Variants in PDE1C observed in about 807,000 individuals in gnomAD.
PDE1C encodes phosphodiesterase 1C.
In PDE1C, 62 loss-of-function variants were observed where a neutral mutation model predicts 93.1. The ratio of observed to expected loss-of-function variants is 0.67; its 90% CI spans 0.54 to 0.82. The LOEUF is 0.82. Ranked by LOEUF, PDE1C falls within the 40% of genes least tolerant of loss-of-function variation. The pLI is 0.00. For synonymous variants in PDE1C, 325 were observed against 310.1 expected (o/e 1.05, Z -0.50); for missense variants, 742 against 884.6 (o/e 0.84, Z 2.04).
the PDE1C span, among the ~76,000 whole-genome samples, chr7:31,663,278 C>T: frequency 1.2e-4 from 18 of 152,206 alleles, no homozygotes; most frequent in Non-Finnish European, 2.2e-4. Context: ...GCCTCTACTG[C>T]TGTAGCTGCT....
chr7:31,963,290 C>T (rs112990915), intron 2 of PDE1C, among the ~76,000 whole-genome samples: 1,872 of 152,172 alleles, frequency 0.012, 15 homozygotes, highest in Non-Finnish European at 0.021. Flanking sequence ...TAACACCAAA[C>T]GTTATGCTGA....
At chr7:32,080,898 T>C (rs1796629879) in intron 3 of PDE1C, among the ~76,000 whole-genome samples, 2 of 152,236 alleles carry the variant, frequency 1.3e-5, no homozygotes, top group Non-Finnish European at 2.9e-5. Context: ...TCCTTCACTC[T>C]TAGACTGACA....
At chr7:31,962,750 C>A (rs540982751) in intron 2 of PDE1C, among the ~76,000 whole-genome samples, 4 of 152,264 alleles carry the variant, frequency 2.6e-5, no homozygotes, top group South Asian at 2.1e-4. Flanking sequence ...TAGGTCTTAG[C>A]CAAATAATTC....
At chr7:32,220,601 G>T (rs1806778051) in intron 1 of PDE1C, among the ~76,000 whole-genome samples, 1 of 151,948 alleles carries the variant, frequency 6.6e-6, no homozygotes, top group African/African-American at 2.4e-5. Context: ...GGATCACGAG[G>T]TCAGGAGATC....
intron 2 of PDE1C, among the ~76,000 whole-genome samples, chr7:32,194,969 CATAA>C (rs1303084583): frequency 6.6e-6 from 1 of 152,084 alleles, no homozygotes; most frequent in African/African-American, 2.4e-5. Context: ...ACTATATATA[CATAA>C]ATAACTTACC....
At chr7:31,762,081 G>A (rs1489563985) in intron 17 of PDE1C, among the ~76,000 whole-genome samples, 1 of 152,162 alleles carries the variant, frequency 6.6e-6, no homozygotes. Context: ...AGATTTGCAA[G>A]TGCCGGGAAA....
intron 2 of PDE1C, among the ~76,000 whole-genome samples, chr7:31,944,938 TAC>T (rs1320287506): frequency 1.3e-5 from 2 of 152,162 alleles, no homozygotes; most frequent in African/African-American, 2.4e-5. Flanking sequence ...GCAAAGAAAA[TAC>T]AGAGTTCTTT....
chr7:31,870,740 T>A (rs1013318606), intron 6 of PDE1C, among the ~76,000 whole-genome samples: 2 of 151,932 alleles, frequency 1.3e-5, no homozygotes, highest in Admixed American at 6.6e-5. Context: ...TTTCTCCTTC[T>A]CCCTAACTAA....
chr7:31,875,130 C>T (rs77933707), intron 5 of PDE1C, among the ~76,000 whole-genome samples: 2,247 of 152,276 alleles, frequency 0.015, 51 homozygotes, highest in African/African-American at 0.051. Flanking sequence ...TTGGCACTGC[C>T]ATGAGTCACA....
At chr7:31,639,359 C>T in the PDE1C span, among the ~76,000 whole-genome samples, 1 of 152,038 alleles carries the variant, frequency 6.6e-6, no homozygotes, top group African/African-American at 2.4e-5. Flanking sequence ...TTTTCTTCTG[C>T]AGTCTCTAAT....
intron 2 of PDE1C, among the ~76,000 whole-genome samples, chr7:31,944,573 A>C (rs58938192): frequency 0.031 from 4,762 of 152,272 alleles, 236 homozygotes; most frequent in African/African-American, 0.11. Flanking sequence ...TTCTGTTCCC[A>C]CATGGGTTAA....
At chr7:32,331,485 G>C (rs1190344979) in intron 1 of PDE1C, among the ~76,000 whole-genome samples, 1 of 152,168 alleles carries the variant, frequency 6.6e-6, no homozygotes, top group African/African-American at 2.4e-5. Flanking sequence ...TAATAACAGG[G>C]AGAATCAAGA....
At chr7:31,926,555 G>A (rs1485294988) in intron 2 of PDE1C, among the ~76,000 whole-genome samples, 1 of 152,216 alleles carries the variant, frequency 6.6e-6, no homozygotes, top group African/African-American at 2.4e-5. Context: ...CAAGGCAGAA[G>A]GTGGGTGATT....
chr7:31,772,089 C>CCT (rs1795528439), intron 17 of PDE1C, among the ~76,000 whole-genome samples: 2 of 151,164 alleles, frequency 1.3e-5, no homozygotes, highest in Non-Finnish European at 2.9e-5. Flanking sequence ...TGGGTTCTTT[C>CCT]TCTCTCTCGC....
intron 1 of PDE1C, among the ~76,000 whole-genome samples, chr7:32,227,086 T>C (rs917373649): frequency 6.6e-5 from 10 of 152,216 alleles, no homozygotes; most frequent in African/African-American, 2.4e-4. Flanking sequence ...AACCTTGCAG[T>C]CGCACTGCTC....
intron 1 of PDE1C, among the ~76,000 whole-genome samples, chr7:32,370,625 C>T (rs191700632): frequency 1.5e-3 from 215 of 140,464 alleles, no homozygotes; most frequent in African/African-American, 5.4e-3. Context: ...CATCACACAC[C>T]GGGGCCTGTC....
chr7:32,060,663 A>C (rs1794698456), intron 1 of PDE1C, among the ~76,000 whole-genome samples: 1 of 152,136 alleles, frequency 6.6e-6, no homozygotes, highest in Non-Finnish European at 1.5e-5. Flanking sequence ...AGTTACCTTC[A>C]CTGAAACTAT....
intron 1 of PDE1C, among the ~76,000 whole-genome samples, chr7:32,057,646 A>G (rs1448461067): frequency 6.6e-6 from 1 of 152,216 alleles, no homozygotes; most frequent in Non-Finnish European, 1.5e-5. Flanking sequence ...TCAGGGAGAT[A>G]AAGAATGAAA....
At chr7:32,006,920 G>A (rs975468275) in intron 2 of PDE1C, among the ~76,000 whole-genome samples, 2 of 152,136 alleles carry the variant, frequency 1.3e-5, no homozygotes, top group Non-Finnish European at 2.9e-5. Flanking sequence ...CAAGACAAAA[G>A]TACCAAAAGC....
Sources: gnomAD v4.1 joint callset for allele counts (sites outside exome capture counted in the v4.1 genomes callset) on GRCh38, gnomAD v4.1.1 for gene constraint, MANE v1.5 for transcripts, NCBI Gene and HGNC (gene_info 2026-07-23, HGNC 2026-07-21) for gene names.